MRPL22: variants seen among roughly 807,000 people sequenced by gnomAD.
MRPL22 encodes the protein large ribosomal subunit protein uL22m.
MRPL22 carries 27 observed loss-of-function variants against 32.4 expected under a neutral mutation model. The ratio of observed to expected loss-of-function variants is 0.83; its 90% CI spans 0.61 to 1.15. MRPL22 has a LOEUF of 1.15. Ranked by LOEUF, MRPL22 falls within the 50% of genes most tolerant of loss-of-function variation. The pLI, the probability that MRPL22 is intolerant of heterozygous loss-of-function variation, is 0.00. For synonymous variants in MRPL22, 86 were observed against 87.3 expected (o/e 0.99, Z 0.08); for missense variants, 239 against 260.2 (o/e 0.92, Z 0.56).
intron 3 of MRPL22, among the ~76,000 whole-genome samples, chr5:154,953,382 A>G (rs1764590565): frequency 6.7e-6 from 1 of 150,180 alleles, no homozygotes; most frequent in Admixed American, 6.6e-5. Flanking sequence ...AAAAAAAAAA[A>G]AAAAAAGAAA....
intron 2 of MRPL22, among the ~76,000 whole-genome samples, chr5:154,941,684 C>T (rs746625597): frequency 3.3e-4 from 50 of 152,310 alleles, no homozygotes; most frequent in Admixed American, 5.9e-4. Context: ...ACTCTCATAA[C>T]ATTCTACGAG....
At chr5:154,961,468 C>T (rs553343633) in intron 6 of MRPL22, among the ~76,000 whole-genome samples, 21 of 152,232 alleles carry the variant, frequency 1.4e-4, no homozygotes, top group African/African-American at 3.4e-4. Context: ...ATGTGAGATT[C>T]GTAGCTGATA....
chr5:154,962,897 T>C (rs1483437905), intron 6 of MRPL22, among the ~76,000 whole-genome samples: 1 of 152,210 alleles, frequency 6.6e-6, no homozygotes, highest in Non-Finnish European at 1.5e-5. Flanking sequence ...TTTACCTAAA[T>C]ACTACTAATA....
intron 2 of MRPL22, among the ~76,000 whole-genome samples, chr5:154,950,525 G>T (rs913856668): frequency 3.9e-5 from 6 of 152,188 alleles, no homozygotes; most frequent in African/African-American, 1.4e-4. Flanking sequence ...TTTCTTAGGA[G>T]TGGGTGACTT....
chr5:154,958,076 G>A (rs953091627), intron 5 of MRPL22, among the ~76,000 whole-genome samples: 7 of 151,524 alleles, frequency 4.6e-5, no homozygotes, highest in South Asian at 2.1e-4. Context: ...GCCACCATAC[G>A]CGGCTAATAT....
At chr5:154,950,625 C>T (rs1309336136) in intron 2 of MRPL22, among the ~76,000 whole-genome samples, 196 bp from the exon 3 acceptor site, 1 of 152,196 alleles carries the variant, frequency 6.6e-6, no homozygotes, top group Non-Finnish European at 1.5e-5. Flanking sequence ...ACTTTCTCTC[C>T]TGTTAGCCTC....
intron 2 of MRPL22, among the ~76,000 whole-genome samples, chr5:154,947,386 A>G (rs887512818): frequency 2.0e-5 from 3 of 152,208 alleles, no homozygotes; most frequent in African/African-American, 7.2e-5. Flanking sequence ...ATTGGAACCT[A>G]AATGTGGATG....
chr5:154,964,186 G>T (rs1764738746), intron 6 of MRPL22, among the ~76,000 whole-genome samples: 1 of 152,164 alleles, frequency 6.6e-6, no homozygotes, highest in African/African-American at 2.4e-5. Flanking sequence ...GCTCTGTGGG[G>T]TGTTTAGCAG....
At chr5:154,950,728 C>A in intron 2 of MRPL22, 93 bp from the exon 3 acceptor site, 1 of 815,826 alleles carries the variant, frequency 1.2e-6, no homozygotes, top group Non-Finnish European at 2.1e-6. Flanking sequence ...TTGTTTTCAT[C>A]AAAATGGAGC....
intron 4 of MRPL22, chr5:154,956,705 C>G (rs1057142131): frequency 1.0e-5 from 4 of 395,020 alleles, no homozygotes; most frequent in South Asian, 9.4e-5. Context: ...GGAAACCCAC[C>G]TATTTATCTG....
intron 2 of MRPL22, among the ~76,000 whole-genome samples, chr5:154,945,720 A>C (rs1003462170): frequency 1.3e-5 from 2 of 152,200 alleles, no homozygotes; most frequent in Non-Finnish European, 2.9e-5. Context: ...AGTGTCCTGG[A>C]ACCCAATTAA....
chr5:154,961,653 G>T lies in MRPL22; in HGVS notation c.409+1604G>T, dbSNP rs181706525. On this transcript the variant is annotated intron_variant, in intron 6 of 6. Coordinates refer to ENST00000523037, the MANE Select transcript of MRPL22 (RefSeq NM_014180.4). ...CACTGTTGCCATTAAGCAAAAACATGCTTAACCAATCCTACATAAATGACC... is the reference window on the plus strand; with the variant it reads ...CACTGTTGCCATTAAGCAAAAACATTCTTAACCAATCCTACATAAATGACC... Among the ~76,000 whole-genome samples the T allele has an allele frequency of 3.4e-3, 519 of 152,206 alleles. 1 individual carries two copies. The highest frequency in any genetic ancestry group is 0.012 in the African/African-American group (493 of 41,542).
At chr5:154,948,596 T>C (rs912952800) in intron 2 of MRPL22, among the ~76,000 whole-genome samples, 1 of 152,244 alleles carries the variant, frequency 6.6e-6, no homozygotes, top group African/African-American at 2.4e-5. Flanking sequence ...CAGGAAAGAC[T>C]ACTTTGTGGA....
intron 3 of MRPL22, 84 bp downstream of exon 3, chr5:154,951,022 T>TA (rs1200305348): frequency 1.6e-5 from 14 of 892,772 alleles, no homozygotes; most frequent in African/African-American, 5.1e-5. Context: ...TATTCTGTGT[T>TA]AAAAAAATTA....
intron 2 of MRPL22, among the ~76,000 whole-genome samples, chr5:154,946,855 G>T (rs1439853411): frequency 6.6e-6 from 1 of 152,088 alleles, no homozygotes; most frequent in African/African-American, 2.4e-5. Context: ...GCAAGGCCTT[G>T]CTATGTTGCC....
At chr5:154,957,935 G>C (rs1388301506) in intron 5 of MRPL22, among the ~76,000 whole-genome samples, 1 of 28,278 alleles carries the variant, frequency 3.5e-5, no homozygotes, top group Non-Finnish European at 6.8e-5. Context: ...TTTTTTTTTT[G>C]AGACGGAGTC....
At chr5:154,963,376 C>G (rs79545893) in intron 6 of MRPL22, among the ~76,000 whole-genome samples, 1 of 152,184 alleles carries the variant, frequency 6.6e-6, no homozygotes, top group Non-Finnish European at 1.5e-5. Context: ...TGTGTGCATA[C>G]TATCCACATT....
In MRPL22 at chr5:154,951,882, A is replaced by ATTT. The variant is rs34804035; in HGVS notation, c.195+960_195+962dup. ...TTACCTGAGCTCTTTGAAATCACGTATTTTTTTTTTTTTTTTTTGAGATGG... is the reference window on the plus strand; with the variant it reads ...TTACCTGAGCTCTTTGAAATCACGTATTTTTTTTTTTTTTTTTTTTTGAGATGG... On this transcript the variant is annotated intron_variant, in intron 3 of 6. Transcript: ENST00000523037. Among the ~76,000 whole-genome samples, 292 of 123,086 alleles carry ATTT rather than the reference A, an allele frequency of 2.4e-3. 5 individuals carry two copies. Among genetic ancestry groups the ATTT allele is most frequent in the African/African-American group, 8.6e-3 (284 of 33,126 alleles). 80.7% of individuals were successfully genotyped at this position (123,086 alleles called of 152,430 possible).
chr5:154,965,581 C>A (rs746847114), intron 6 of MRPL22, among the ~76,000 whole-genome samples: 1 of 152,066 alleles, frequency 6.6e-6, no homozygotes, highest in East Asian at 1.9e-4. Context: ...CCCACCACCA[C>A]AACTGGCTAA....
Sources: allele counts gnomAD v4.1 joint callset (sites outside exome capture counted in the v4.1 genomes callset), GRCh38; gene constraint gnomAD v4.1.1; transcripts MANE v1.5; gene names NCBI Gene and HGNC (gene_info 2026-07-23, HGNC 2026-07-21).